CDKN2B-AS1: variants seen among roughly 807,000 people sequenced by gnomAD.
CDKN2B-AS1 encodes the protein CDKN2B and CDKN2A antisense cis and trans regulatory RNA 1.
intron 4 of CDKN2B-AS1, among the ~76,000 whole-genome samples, chr9:22,116,822 CTG>C (rs566162386): frequency 2.6e-4 from 39 of 152,308 alleles, no homozygotes; most frequent in African/African-American, 9.1e-4. Context: ...GAGTTTTAAA[CTG>C]GAGAATGTCA....
chr9:22,041,260 G>T (rs2131264495), intron 1 of CDKN2B-AS1, among the ~76,000 whole-genome samples: 1 of 152,138 alleles, frequency 6.6e-6, no homozygotes, highest in Non-Finnish European at 1.5e-5. Flanking sequence ...AAGAGCAAAT[G>T]CTACAGATGT....
At chr9:22,062,930 C>G (rs1823880495) in intron 4 of CDKN2B-AS1, among the ~76,000 whole-genome samples, 2 of 149,326 alleles carry the variant, frequency 1.3e-5, no homozygotes, top group South Asian at 4.2e-4. Flanking sequence ...GTGGTGATGC[C>G]TTTGAGGAGA....
At chr9:22,067,925 C>T (rs1294643286) in intron 4 of CDKN2B-AS1, among the ~76,000 whole-genome samples, 1 of 152,146 alleles carries the variant, frequency 6.6e-6, no homozygotes, top group Non-Finnish European at 1.5e-5. Context: ...CTCTCATTCT[C>T]TTCTCCCTAT....
chr9:22,096,623 A>G (rs1042669704), intron 4 of CDKN2B-AS1: 1 of 152,220 alleles, frequency 6.6e-6, no homozygotes, highest in Non-Finnish European at 1.5e-5. Context: ...GATATATAGT[A>G]TGACCTCTCA....
At chr9:22,060,906 G>A (rs966233388) in intron 4 of CDKN2B-AS1, among the ~76,000 whole-genome samples, 1 of 152,074 alleles carries the variant, frequency 6.6e-6, no homozygotes, top group Non-Finnish European at 1.5e-5. Context: ...GAGAAAGATC[G>A]GCCCTCGGGA....
At chr9:22,088,920 C>T (rs1412570130) in intron 4 of CDKN2B-AS1, among the ~76,000 whole-genome samples, 1 of 152,154 alleles carries the variant, frequency 6.6e-6, no homozygotes, top group African/African-American at 2.4e-5. Flanking sequence ...CTTTGGATTG[C>T]CTTTGTCTGA....
At position 22,000,975 on chromosome 9, in the gene CDKN2B-AS1, G is replaced by A. The variant is rs1820895011; in HGVS notation, n.29+5814G>A. On this transcript the variant is annotated intron_variant and non_coding_transcript_variant, in intron 1 of 4. Coordinates refer to ENST00000650946, the Ensembl canonical transcript of CDKN2B-AS1. The surrounding 1 kb of genome is among the most constrained non-coding windows in gnomAD (Gnocchi z 4.1). ...TACCTAGTATCTGGCGCAGAAAGAA[G>A]TGGAATGGAATTATCAGGGAGACCC... Among the ~76,000 whole-genome samples, 1 of 152,090 alleles carries A rather than the reference G, an allele frequency of 6.6e-6. No homozygotes were observed. The highest frequency in any genetic ancestry group is 1.5e-5 in the Non-Finnish European group (1 of 67,984).
intron 4 of CDKN2B-AS1, among the ~76,000 whole-genome samples, chr9:22,097,804 A>T (rs1825336157): frequency 6.6e-6 from 1 of 152,224 alleles, no homozygotes; most frequent in Admixed American, 6.5e-5. Flanking sequence ...TCAAGGCAGT[A>T]TAAGGAGATA....
intron 4 of CDKN2B-AS1, among the ~76,000 whole-genome samples, chr9:22,060,577 C>T (rs1823775013): frequency 6.6e-6 from 1 of 152,222 alleles, no homozygotes; most frequent in African/African-American, 2.4e-5. Context: ...CAGTCCCTGC[C>T]TGTTACCCAG....
intron 4 of CDKN2B-AS1, among the ~76,000 whole-genome samples, chr9:22,065,276 G>A (rs1237108593): frequency 1.3e-5 from 2 of 152,150 alleles, no homozygotes; most frequent in Non-Finnish European, 2.9e-5. Context: ...CCAGTCTTAA[G>A]GACATCTTTA....
chr9:22,062,506 G>C (rs1823861926), intron 4 of CDKN2B-AS1, among the ~76,000 whole-genome samples: 1 of 152,148 alleles, frequency 6.6e-6, no homozygotes, highest in Admixed American at 6.5e-5. Flanking sequence ...TTAGAGCCAG[G>C]GCTGTGGGCT....
chr9:22,072,525 A>G (rs1037597502), intron 4 of CDKN2B-AS1, among the ~76,000 whole-genome samples: 7 of 152,238 alleles, frequency 4.6e-5, no homozygotes, highest in African/African-American at 7.2e-5. Flanking sequence ...AGCTTAAGCT[A>G]TCTAAGCCTT....
chr9:22,081,196 G>A (rs1026456545), intron 4 of CDKN2B-AS1, among the ~76,000 whole-genome samples: 4 of 149,204 alleles, frequency 2.7e-5, no homozygotes, highest in Non-Finnish European at 5.9e-5. Context: ...TGTCATACAA[G>A]TTTTTAATGA....
At chr9:22,068,841 A>C (rs1256170225) in intron 4 of CDKN2B-AS1, among the ~76,000 whole-genome samples, 4 of 152,228 alleles carry the variant, frequency 2.6e-5, no homozygotes, top group Non-Finnish European at 5.9e-5. Context: ...CTGATGGTCA[A>C]CCTGTTCAAT....
chr9:22,124,539 G>A (rs1234689779), intron 4 of CDKN2B-AS1, among the ~76,000 whole-genome samples: 3 of 152,052 alleles, frequency 2.0e-5, no homozygotes, highest in Non-Finnish European at 2.9e-5. Context: ...TAATTGTAAC[G>A]CCTTTTATAA....
intron 4 of CDKN2B-AS1, among the ~76,000 whole-genome samples, chr9:22,087,860 A>G (rs1824917058): frequency 6.6e-6 from 1 of 152,212 alleles, no homozygotes; most frequent in African/African-American, 2.4e-5. Flanking sequence ...AGATTGTCAT[A>G]AAAAGAAATG....
intron 1 of CDKN2B-AS1, chr9:22,008,787 G>GC: frequency 6.2e-7 from 1 of 1,606,824 alleles, no homozygotes; most frequent in Non-Finnish European, 8.5e-7. Flanking sequence ...AGGCCCTGGG[G>GC]CCCCAGCTAC....
At chr9:22,014,986 C>T (rs1186169744) in intron 1 of CDKN2B-AS1, among the ~76,000 whole-genome samples, 5 of 152,108 alleles carry the variant, frequency 3.3e-5, no homozygotes, top group Admixed American at 1.3e-4. Flanking sequence ...ATATATGCCA[C>T]ATTTTCTTAA....
chr9:22,051,656 G>A (rs887047886), intron 3 of CDKN2B-AS1, among the ~76,000 whole-genome samples: 3 of 152,068 alleles, frequency 2.0e-5, no homozygotes, highest in African/African-American at 7.2e-5. Context: ...TATTCATATA[G>A]GAACTATGAA....
Sources: gnomAD v4.1 joint callset for allele counts (sites outside exome capture counted in the v4.1 genomes callset) on GRCh38, gnomAD v4.1.1 for gene constraint, Gnocchi (gnomAD v3.1) non-coding constraint, MANE v1.5 for transcripts, NCBI Gene and HGNC (gene_info 2026-07-23, HGNC 2026-07-21) for gene names.